Variants in ADK observed in about 807,000 individuals in gnomAD.
ADK encodes N6,N6-dimethyladenosine kinase.
Under a neutral mutation model 44.7 loss-of-function variants are expected in ADK, and 24 were observed. The ratio of observed to expected loss-of-function variants is 0.54; its 90% CI spans 0.39 to 0.76. The LOEUF (loss-of-function observed/expected upper bound fraction) is 0.76. ADK is among the 30% of genes least tolerant of loss of function. The probability of loss-of-function intolerance (pLI) is 0.00; values close to 1 mark genes in which losing one functional copy is unlikely to be tolerated. For synonymous variants in ADK, 128 were observed against 142.6 expected (o/e 0.90, Z 0.73); for missense variants, 321 against 425.1 (o/e 0.76, Z 2.15).
At chr10:74,563,694 A>C (rs189307946) in intron 7 of ADK, among the ~76,000 whole-genome samples, 3 of 152,184 alleles carry the variant, frequency 2.0e-5, no homozygotes, top group Admixed American at 2.0e-4. Flanking sequence ...GCATGTATAC[A>C]TATGTCTAAA....
At chr10:74,406,686 A>C (rs1324669623) in intron 6 of ADK, among the ~76,000 whole-genome samples, 1 of 150,370 alleles carries the variant, frequency 6.7e-6, no homozygotes, top group Admixed American at 6.6e-5. Context: ...TTTTATTTTT[A>C]TTTTTATTTT....
At chr10:74,660,351 C>T (rs1854662585) in intron 9 of ADK, among the ~76,000 whole-genome samples, 3 of 152,100 alleles carry the variant, frequency 2.0e-5, no homozygotes, top group Non-Finnish European at 4.4e-5. Flanking sequence ...AGGCTGGTCT[C>T]GAACTTATTA....
At chr10:74,294,308 T>C (rs80167355) in intron 3 of ADK, among the ~76,000 whole-genome samples, 2 of 151,036 alleles carry the variant, frequency 1.3e-5, no homozygotes, top group African/African-American at 4.9e-5. Context: ...TTTTTTGAGA[T>C]GAAGTCTTGC....
At chr10:74,504,736 T>G (rs928414768) in intron 6 of ADK, among the ~76,000 whole-genome samples, 1 of 152,120 alleles carries the variant, frequency 6.6e-6, no homozygotes, top group Non-Finnish European at 1.5e-5. Context: ...GTTCTTGTGA[T>G]AGTGAGTTCT....
chr10:74,177,197 C>T (rs376565096), intron 1 of ADK, among the ~76,000 whole-genome samples: 1 of 150,494 alleles, frequency 6.6e-6, no homozygotes, highest in Admixed American at 6.5e-5. Context: ...ACCCGCGCCC[C>T]CGGGGGCGGC....
intron 6 of ADK, among the ~76,000 whole-genome samples, chr10:74,414,274 A>G (rs1447719551): frequency 6.6e-6 from 1 of 152,212 alleles, no homozygotes; most frequent in Non-Finnish European, 1.5e-5. Context: ...ATACCAAAAC[A>G]GACTTAATTA....
At chr10:74,155,591 A>G (rs931562520) in intron 1 of ADK, among the ~76,000 whole-genome samples, 2 of 152,214 alleles carry the variant, frequency 1.3e-5, no homozygotes. Flanking sequence ...GTGCAGTGGC[A>G]CAGTCTCGGC....
At chr10:74,245,667 T>C (rs1845388551) in intron 3 of ADK, among the ~76,000 whole-genome samples, 1 of 151,284 alleles carries the variant, frequency 6.6e-6, no homozygotes, top group African/African-American at 2.4e-5. Context: ...TTCAGCTCAC[T>C]GCAATGTCTG....
intron 4 of ADK, among the ~76,000 whole-genome samples, chr10:74,338,778 G>C (rs910256063): frequency 4.6e-5 from 7 of 152,158 alleles, no homozygotes; most frequent in African/African-American, 1.7e-4. Context: ...TGGGAGAAGG[G>C]GATAGGTATG....
chr10:74,389,777 C>T lies in ADK; in HGVS notation c.274-4364C>T, dbSNP rs190792101. Among the ~76,000 whole-genome samples, 7 of 152,186 alleles carry T rather than the reference C, an allele frequency of 4.6e-5. No homozygotes were observed. The East Asian group carries it at 1.2e-3, about 25-fold the overall frequency. ...ATAGCAAAGTTGCTGAATATTTCTA[C>T]TGTTTATCAATTTTTGCCTTGCAGG... On this transcript the variant is annotated intron_variant, in intron 4 of 10. Coordinates refer to ENST00000539909, the MANE Select transcript of ADK (RefSeq NM_006721.4).
chr10:74,617,035 T>C (rs1001766193), intron 9 of ADK, among the ~76,000 whole-genome samples: 1 of 152,202 alleles, frequency 6.6e-6, no homozygotes, highest in Non-Finnish European at 1.5e-5. Context: ...TTCTAAATAA[T>C]GATCTTTTTC....
chr10:74,422,158 T>C (rs1355580033), intron 6 of ADK, among the ~76,000 whole-genome samples: 4 of 152,160 alleles, frequency 2.6e-5, no homozygotes, highest in African/African-American at 9.7e-5. Flanking sequence ...ACATCACAAA[T>C]GGGAAGTCAT....
At chr10:74,345,577 G>A (rs548978288) in intron 4 of ADK, among the ~76,000 whole-genome samples, 1 of 152,058 alleles carries the variant, frequency 6.6e-6, no homozygotes, top group East Asian at 1.9e-4. Context: ...CAAAGTGCTG[G>A]GTTTACAGAT....
At chr10:74,243,316 G>A (rs1190341769) in intron 3 of ADK, among the ~76,000 whole-genome samples, 1 of 152,198 alleles carries the variant, frequency 6.6e-6, no homozygotes, top group African/African-American at 2.4e-5. Flanking sequence ...GGGGTTGAGC[G>A]CTGTGGCGTG....
At chr10:74,299,039 A>G (rs1267349123) in intron 3 of ADK, among the ~76,000 whole-genome samples, 1 of 152,260 alleles carries the variant, frequency 6.6e-6, no homozygotes, top group African/African-American at 2.4e-5. Context: ...CAGTTATTCA[A>G]AGAGCCAATG....
intron 6 of ADK, among the ~76,000 whole-genome samples, chr10:74,477,623 T>C (rs957378156): frequency 2.6e-5 from 4 of 152,210 alleles, no homozygotes; most frequent in African/African-American, 9.7e-5. Flanking sequence ...AATTACATGA[T>C]TTATCAGCTT....
intron 3 of ADK, among the ~76,000 whole-genome samples, chr10:74,307,209 CTT>C (rs1840286201): frequency 6.6e-6 from 1 of 152,124 alleles, no homozygotes; most frequent in Non-Finnish European, 1.5e-5. Flanking sequence ...CTTGTTCTGT[CTT>C]TGTAAGCACA....
At chr10:74,606,139 C>T (rs1279609349) in intron 9 of ADK, among the ~76,000 whole-genome samples, 1 of 151,960 alleles carries the variant, frequency 6.6e-6, no homozygotes, top group Non-Finnish European at 1.5e-5. Flanking sequence ...CTCTTTTCTT[C>T]TTTATTAGTC....
intron 9 of ADK, among the ~76,000 whole-genome samples, chr10:74,648,101 C>T (rs1432984033): frequency 6.6e-6 from 1 of 151,668 alleles, no homozygotes; most frequent in Non-Finnish European, 1.5e-5. Context: ...TATATATATA[C>T]ACATACATAG....
Sources: allele counts gnomAD v4.1 joint callset (sites outside exome capture counted in the v4.1 genomes callset), GRCh38; gene constraint gnomAD v4.1.1; transcripts MANE v1.5; gene names NCBI Gene and HGNC (gene_info 2026-07-23, HGNC 2026-07-21).